Variants in TJP1 observed in about 807,000 individuals in gnomAD.
TJP1 encodes the protein tight junction protein 1.
A neutral mutation model predicts 194.2 loss-of-function variants in TJP1; 43 were observed. The ratio of observed to expected loss-of-function variants is 0.22; its 90% CI spans 0.17 to 0.29. The LOEUF (loss-of-function observed/expected upper bound fraction) is 0.29. Ranked by LOEUF, TJP1 falls within the 10% of genes least tolerant of loss-of-function variation. The pLI is 1.00. For synonymous variants in TJP1, 801 were observed against 779.0 expected, an observed-to-expected ratio of 1.03 and a Z score of -0.47; for missense variants, 1,971 against 2,185.7, an observed-to-expected ratio of 0.90 and a Z score of 1.96.
chr15:29,803,034 C>T (rs957110818), intron 1 of TJP1, among the ~76,000 whole-genome samples: 1 of 152,064 alleles, frequency 6.6e-6, no homozygotes, highest in Non-Finnish European at 1.5e-5. Flanking sequence ...ACAGCGTGTA[C>T]ATGGTTATCC....
intron 1 of TJP1, among the ~76,000 whole-genome samples, chr15:29,959,176 A>G (rs1035636550): frequency 6.6e-6 from 1 of 151,776 alleles, no homozygotes; most frequent in Non-Finnish European, 1.5e-5. Context: ...TTTTTAGTAG[A>G]GACGGGGTTT....
At chr15:29,813,378 C>T (rs1007438328) in intron 1 of TJP1, among the ~76,000 whole-genome samples, 2 of 152,100 alleles carry the variant, frequency 1.3e-5, no homozygotes, top group Non-Finnish European at 2.9e-5. Context: ...CAGACATATA[C>T]AATATTTTTC....
chr15:29,965,663 C>T (rs1389062384), intron 1 of TJP1, among the ~76,000 whole-genome samples: 1 of 152,162 alleles, frequency 6.6e-6, no homozygotes, highest in Non-Finnish European at 1.5e-5. Flanking sequence ...CTCCAATGCT[C>T]CATGTGCGGT....
Position 29,708,736 on chromosome 15 carries a change from G to A in TJP1, c.4673C>T (p.Ala1558Val). ...TTTTGAAGACAAGTCAGGTTTATGT[G>A]CAGTTTCACTTGGCAGAAGATTGTG... is the stretch of plus-strand genomic sequence containing the variant. ...FNHNLLPSET[A>V]HKPDLSSKTP... Residue 1558 changes from alanine to valine, a missense_variant, in exon 25 of 28, where the codon GCA becomes GTA. Physicochemically the swap from Ala to Val is moderately conservative, Grantham distance 64. Around this residue, in one of 5 missense-constraint regions of TJP1, gnomAD observed 1,108 missense variants for 1,128.5 expected, o/e 0.98. Coordinates refer to ENST00000614355, the MANE Select transcript of TJP1 (RefSeq NM_001330239.4). 1 of 1,614,214 alleles carries A rather than the reference G, an allele frequency of 6.2e-7. No homozygotes were observed. Among genetic ancestry groups the A allele is most frequent in the Non-Finnish European group, 8.5e-7 (1 of 1,180,034 alleles).
At chr15:29,968,299 A>C in intron 1 of TJP1, 1 of 985,184 alleles carries the variant, frequency 1.0e-6, no homozygotes, top group Non-Finnish European at 1.2e-6. Flanking sequence ...TCTCCGCGAG[A>C]GCCTGGCTGG....
At chr15:29,839,244 C>T (rs2051142941) in intron 2 of TJP1, among the ~76,000 whole-genome samples, 2 of 152,102 alleles carry the variant, frequency 1.3e-5, no homozygotes, top group Non-Finnish European at 2.9e-5. Context: ...GTGATCTGCC[C>T]GCCTCAGCCT....
intron 17 of TJP1, 34 bp downstream of exon 17, chr15:29,726,747 T>C: frequency 6.3e-7 from 1 of 1,594,376 alleles, no homozygotes; most frequent in Non-Finnish European, 8.6e-7. Context: ...CCAGACATTG[T>C]AAGCTGAAAG....
chr15:29,745,807 A>G lies in TJP1; in HGVS notation c.1011-3026T>C, dbSNP rs935799218. ...TATCAAAAGAATAAACTGGATGTTC[A>G]CCTTGTATTGTTCAACTGAAATAAT... On this transcript the variant is annotated intron_variant, in intron 8 of 27. Coordinates refer to ENST00000614355, the MANE Select transcript of TJP1 (RefSeq NM_001330239.4). Among the ~76,000 whole-genome samples, 11 of 152,316 alleles carry G rather than the reference A, an allele frequency of 7.2e-5. No homozygotes were observed. The East Asian group carries it at 2.1e-3, about 29-fold the overall frequency.
intron 8 of TJP1, among the ~76,000 whole-genome samples, chr15:29,743,688 C>T (rs1255859021): frequency 6.6e-6 from 1 of 152,142 alleles, no homozygotes; most frequent in Admixed American, 6.5e-5. Flanking sequence ...GATAGAGCCA[C>T]TACACTCCAG....
At chr15:29,845,934 A>G (rs1345252458) in intron 2 of TJP1, among the ~76,000 whole-genome samples, 1 of 152,194 alleles carries the variant, frequency 6.6e-6, no homozygotes. Flanking sequence ...ATGGATTACC[A>G]TGAGCTTCTC....
chr15:29,730,520 C>T (rs1219684117), intron 15 of TJP1, among the ~76,000 whole-genome samples: 1 of 151,800 alleles, frequency 6.6e-6, no homozygotes, highest in Non-Finnish European at 1.5e-5. Flanking sequence ...CTGCTTGAAC[C>T]CATGAGTTTG....
At chr15:29,801,927 A>C (rs988047929) in intron 1 of TJP1, among the ~76,000 whole-genome samples, 2 of 152,156 alleles carry the variant, frequency 1.3e-5, no homozygotes, top group African/African-American at 4.8e-5. Flanking sequence ...ATAATGTTGT[A>C]AGAAAATTTA....
chr15:29,774,586 T>C (rs2046897645), intron 2 of TJP1, among the ~76,000 whole-genome samples: 1 of 152,002 alleles, frequency 6.6e-6, no homozygotes, highest in Non-Finnish European at 1.5e-5. Context: ...GAATGGTGGT[T>C]GTCTAGGGCT....
chr15:29,944,039 A>G (rs1446390277), intron 2 of TJP1, among the ~76,000 whole-genome samples: 2 of 152,162 alleles, frequency 1.3e-5, no homozygotes, highest in African/African-American at 2.4e-5. Context: ...TGTAAAAATT[A>G]AAAATCGTTA....
At chr15:29,911,847 G>C (rs1299486747) in intron 2 of TJP1, among the ~76,000 whole-genome samples, 1 of 152,154 alleles carries the variant, frequency 6.6e-6, no homozygotes. Flanking sequence ...TAAGACTCAG[G>C]CTCTGGGAAC....
chr15:29,799,650 C>T lies in TJP1; in HGVS notation c.84+996G>A, dbSNP rs577115947. Among the ~76,000 whole-genome samples the T allele has an allele frequency of 1.6e-4, 25 of 152,186 alleles. No homozygotes were observed. In the South Asian group the frequency reaches 1.9e-3, roughly 11 times the overall value. ...CAGGATGGTCTCAATCTCCTGACCT[C>T]GTGATCTGCCTGCCTCAGCCTCCCA... is the stretch of plus-strand genomic sequence containing the variant. On this transcript the variant is annotated intron_variant, in intron 2 of 27. Transcript: ENST00000614355.
rs138804810 is a variant in TJP1 at position 29,960,712 on chromosome 15, T to C, written c.174-4348A>G. Among the ~76,000 whole-genome samples the C allele has an allele frequency of 1.4e-3, 212 of 151,824 alleles. 1 individual carries two copies. The Middle Eastern group carries it at 0.021, about 15-fold the overall frequency. On this transcript the variant is annotated intron_variant, in intron 1 of 28. Coordinates refer to the TJP1 transcript ENST00000356107. ...GTGAAAATCAGCTCTGGACCTACCCTGCCCACAGACTCCACAGGAAGATGG... is the reference window on the plus strand; with the variant it reads ...GTGAAAATCAGCTCTGGACCTACCCCGCCCACAGACTCCACAGGAAGATGG...
chr15:29,865,601 A>G (rs538874031), intron 2 of TJP1, among the ~76,000 whole-genome samples: 1 of 152,370 alleles, frequency 6.6e-6, no homozygotes, highest in Admixed American at 6.5e-5. Context: ...ATTCATGTGC[A>G]TAAATATGTA....
intron 2 of TJP1, among the ~76,000 whole-genome samples, chr15:29,885,333 T>C (rs2053080028): frequency 6.6e-6 from 1 of 152,224 alleles, no homozygotes; most frequent in East Asian, 1.9e-4. Flanking sequence ...CCAGTGTTCC[T>C]ACCACTGCAG....
Sources: allele counts gnomAD v4.1 joint callset (sites outside exome capture counted in the v4.1 genomes callset), GRCh38; gene constraint gnomAD v4.1.1; regional missense constraint gnomAD v4.1.1; transcripts MANE v1.5; gene names NCBI Gene and HGNC (gene_info 2026-07-23, HGNC 2026-07-21).